Variants in ROBO2 observed in about 807,000 individuals in gnomAD.
The protein encoded by ROBO2 is roundabout guidance receptor 2.
ROBO2 carries 53 observed loss-of-function variants against 160.8 expected under a neutral mutation model. The observed-to-expected ratio is 0.33, with a 90% CI of 0.26 to 0.41. ROBO2 has a LOEUF of 0.41. Among genes scored for constraint, ROBO2 ranks in the 10% least tolerant of loss-of-function variants. The pLI is 1.00. For synonymous variants in ROBO2, 664 were observed against 611.7 expected (o/e 1.09, Z -1.26); for missense variants, 1,577 against 1,722.4 (o/e 0.92, Z 1.49).
At chr3:77,400,457 A>G (rs2075689618) in intron 2 of ROBO2, among the ~76,000 whole-genome samples, 1 of 152,212 alleles carries the variant, frequency 6.6e-6, no homozygotes, top group Non-Finnish European at 1.5e-5. Context: ...AAAGTAAATC[A>G]GACATTGGAA....
chr3:76,842,057 G>C (rs1360815193), intron 2 of ROBO2, among the ~76,000 whole-genome samples: 2 of 152,182 alleles, frequency 1.3e-5, no homozygotes, highest in African/African-American at 4.8e-5. Context: ...CATTCCACTA[G>C]AAATCCATAA....
chr3:76,276,464 T>G (rs978585392), intron 2 of ROBO2, among the ~76,000 whole-genome samples: 1 of 152,052 alleles, frequency 6.6e-6, no homozygotes, highest in Non-Finnish European at 1.5e-5. Context: ...ATATAGAACT[T>G]CTATCAAACT....
chr3:77,632,374 G>C (rs2095180962), intron 23 of ROBO2: 1 of 851,336 alleles, frequency 1.2e-6, no homozygotes, highest in Admixed American at 3.1e-5. Context: ...AAACTTCAAG[G>C]AAGAAGCATG....
intron 2 of ROBO2, among the ~76,000 whole-genome samples, chr3:77,239,210 C>T (rs981353616): frequency 2.0e-5 from 3 of 152,106 alleles, no homozygotes; most frequent in Non-Finnish European, 2.9e-5. Flanking sequence ...AGGACGTGTT[C>T]GGAGTTTCTT....
intron 2 of ROBO2, among the ~76,000 whole-genome samples, chr3:76,184,770 C>G (rs1701665660): frequency 6.6e-6 from 1 of 152,054 alleles, no homozygotes; most frequent in Admixed American, 6.6e-5. Context: ...ACCTGAGAAC[C>G]TGGGAGATGA....
chr3:77,617,691 C>T lies in ROBO2; in HGVS notation c.3472C>T (p.Arg1158Trp), dbSNP rs747971442. Residue 1158 changes from arginine to tryptophan, a missense_variant, in exon 22 of 26, where the codon CGG becomes TGG. Physicochemically the swap from Arg to Trp is moderately radical, Grantham distance 101. Around this residue, in one of 2 missense-constraint regions of ROBO2, gnomAD observed 637 missense variants for 586.9 expected, o/e 1.09. Coordinates refer to ENST00000461745, the Ensembl canonical transcript of ROBO2. ...CACTGCAACTCTTACTCCATCCCCA[C>T]GGGAAGAGATGCAACCCATGCTGCA... 39 of 1,614,030 alleles carry T rather than the reference C, an allele frequency of 2.4e-5. No individual in the cohort carries two copies. The highest frequency in any genetic ancestry group is 1.5e-4 in the Admixed American group (9 of 60,004).
intron 1 of ROBO2, among the ~76,000 whole-genome samples, chr3:77,052,343 G>T (rs1297062941): frequency 1.3e-5 from 2 of 152,106 alleles, no homozygotes; most frequent in African/African-American, 4.8e-5. Context: ...CTAAAGAGAG[G>T]CTGTGCTGCT....
chr3:76,485,687 T>G (rs1252969637), intron 2 of ROBO2, among the ~76,000 whole-genome samples: 1 of 152,170 alleles, frequency 6.6e-6, no homozygotes, highest in Non-Finnish European at 1.5e-5. Flanking sequence ...TTCTCACAGG[T>G]AAGGGTTGCT....
chr3:76,921,898 C>T (rs1460332086), intron 2 of ROBO2, among the ~76,000 whole-genome samples: 1 of 152,108 alleles, frequency 6.6e-6, no homozygotes, highest in Non-Finnish European at 1.5e-5. Context: ...TCTTAAAATG[C>T]ATTGAGATGT....
At chr3:75,995,555 A>G (rs1181875228) in intron 2 of ROBO2, among the ~76,000 whole-genome samples, 2 of 152,136 alleles carry the variant, frequency 1.3e-5, no homozygotes, top group Admixed American at 6.5e-5. Context: ...AACTTCTGCT[A>G]GGGAAGTGCA....
At chr3:76,781,577 A>T (rs1245018643) in intron 2 of ROBO2, among the ~76,000 whole-genome samples, 2 of 150,734 alleles carry the variant, frequency 1.3e-5, no homozygotes, top group African/African-American at 4.8e-5. Flanking sequence ...TCTATACCTA[A>T]TATGTCAAGA....
chr3:76,381,466 C>G (rs1475308229), intron 2 of ROBO2, among the ~76,000 whole-genome samples: 2 of 152,104 alleles, frequency 1.3e-5, no homozygotes, highest in East Asian at 3.9e-4. Flanking sequence ...TCTCCTGCCT[C>G]AGCCTCCTGA....
chr3:76,837,252 C>A (rs2067785609), intron 2 of ROBO2, among the ~76,000 whole-genome samples: 1 of 151,834 alleles, frequency 6.6e-6, no homozygotes, highest in South Asian at 2.1e-4. Context: ...AGCACAAACA[C>A]TTTAGCTTTA....
chr3:76,850,112 G>T (rs1453513646), intron 2 of ROBO2, among the ~76,000 whole-genome samples: 2 of 152,126 alleles, frequency 1.3e-5, no homozygotes, highest in Non-Finnish European at 2.9e-5. Context: ...ACTTGAACCT[G>T]AGAGACAGAG....
At chr3:77,428,111 T>G (rs2078387609) in intron 2 of ROBO2, among the ~76,000 whole-genome samples, 1 of 152,144 alleles carries the variant, frequency 6.6e-6, no homozygotes, top group Non-Finnish European at 1.5e-5. Flanking sequence ...TAAAAGTCAT[T>G]GTAAACAAAT....
chr3:77,124,652 G>T (rs527358257), intron 2 of ROBO2, among the ~76,000 whole-genome samples: 4 of 152,228 alleles, frequency 2.6e-5, no homozygotes, highest in Non-Finnish European at 5.9e-5. Flanking sequence ...TTGTATTCTT[G>T]CATTCACTTT....
chr3:76,322,524 T>C (rs999990728), intron 2 of ROBO2, among the ~76,000 whole-genome samples: 3 of 152,138 alleles, frequency 2.0e-5, no homozygotes, highest in Non-Finnish European at 4.4e-5. Flanking sequence ...TACATAAAAG[T>C]ATGATTTTAT....
At chr3:76,272,893 A>ATATATGAAAT (rs544962221) in intron 2 of ROBO2, among the ~76,000 whole-genome samples, 3 of 37,174 alleles carry the variant, frequency 8.1e-5, no homozygotes, top group African/African-American at 3.0e-4. Flanking sequence ...TATATATAAA[A>ATATATGAAAT]ATATAATATA....
chr3:76,120,481 G>C (rs1462339090), intron 2 of ROBO2, among the ~76,000 whole-genome samples: 1 of 152,158 alleles, frequency 6.6e-6, no homozygotes, highest in Non-Finnish European at 1.5e-5. Flanking sequence ...AGTTACTTCT[G>C]TTGGTTTCTA....
Sources: gnomAD v4.1 joint callset for allele counts (sites outside exome capture counted in the v4.1 genomes callset) on GRCh38, gnomAD v4.1.1 for gene constraint, gnomAD v4.1.1 regional missense constraint, MANE v1.5 for transcripts, NCBI Gene and HGNC (gene_info 2026-07-23, HGNC 2026-07-21) for gene names.